The following PALLD variants were observed in gnomAD, a reference collection of about 807,000 sequenced individuals.
The protein encoded by PALLD is palladin, cytoskeletal associated protein.
Under a neutral mutation model 123.5 loss-of-function variants are expected in PALLD, and 61 were observed. That is an observed-to-expected ratio of 0.49 (90% CI 0.40 to 0.61). The LOEUF is 0.61. PALLD is among the 20% of genes least tolerant of loss of function. PALLD has a pLI of 0.00. For missense variants in PALLD, 1,273 were observed against 1,377.0 expected (o/e 0.92, Z 1.20); for synonymous variants, 465 against 496.4 (o/e 0.94, Z 0.84).
At chr4:168,855,095 T>TTTC (rs1418763619) in intron 10 of PALLD, among the ~76,000 whole-genome samples, 1 of 145,458 alleles carries the variant, frequency 6.9e-6, no homozygotes, top group Admixed American at 6.8e-5. Flanking sequence ...TGTTCTTTTT[T>TTTC]TTTTTTTTTT....
At chr4:168,916,354 G>A (rs1760084599) in intron 17 of PALLD, among the ~76,000 whole-genome samples, 1 of 152,104 alleles carries the variant, frequency 6.6e-6, no homozygotes, top group African/African-American at 2.4e-5. Flanking sequence ...GAAGCTATGT[G>A]AGCTATGATC....
At chr4:168,571,935 A>C (rs1231149099) in intron 2 of PALLD, among the ~76,000 whole-genome samples, 1 of 152,102 alleles carries the variant, frequency 6.6e-6, no homozygotes, top group Non-Finnish European at 1.5e-5. Context: ...AGCATTTTTT[A>C]TCAGTGCCAG....
At chr4:168,743,219 A>G (rs936202257) in intron 10 of PALLD, among the ~76,000 whole-genome samples, 2 of 152,248 alleles carry the variant, frequency 1.3e-5, no homozygotes, top group South Asian at 4.2e-4. Context: ...TACACTCAAT[A>G]AATATTTCTT....
chr4:168,733,446 T>G (rs1323398251), intron 10 of PALLD, among the ~76,000 whole-genome samples: 1 of 152,244 alleles, frequency 6.6e-6, no homozygotes, highest in Non-Finnish European at 1.5e-5. Flanking sequence ...TAATCCCATT[T>G]TTTAAAAGTG....
intron 10 of PALLD, among the ~76,000 whole-genome samples, chr4:168,838,247 T>C (rs925517000): frequency 2.6e-5 from 4 of 152,112 alleles, no homozygotes; most frequent in African/African-American, 7.2e-5. Context: ...TGGAGGGATG[T>C]CCTAGAGCGG....
chr4:168,666,206 C>T (rs1020629965), intron 2 of PALLD, among the ~76,000 whole-genome samples: 1 of 152,138 alleles, frequency 6.6e-6, no homozygotes, highest in African/African-American at 2.4e-5. Flanking sequence ...GTACATCTAA[C>T]CAAAAGAAAC....
In PALLD at chr4:168,705,036, T is replaced by C. The variant is rs77717292; in HGVS notation, c.1502-3992T>C. On this transcript the variant is annotated intron_variant, in intron 8 of 21. Coordinates refer to ENST00000505667, the MANE Select transcript of PALLD (RefSeq NM_001166108.2). Reference sequence around the variant, plus strand: ...TATTATATTTCCTACTTACATCTTATATTTCAAAAAATTTTTGCCAAAGAA... The same window carrying C: ...TATTATATTTCCTACTTACATCTTACATTTCAAAAAATTTTTGCCAAAGAA... Among the ~76,000 whole-genome samples, 31 of 151,242 alleles carry C rather than the reference T, an allele frequency of 2.0e-4. 1 individual carries two copies. In the East Asian group the frequency reaches 6.0e-3, roughly 29 times the overall value.
At chr4:168,700,831 C>A (rs1296608809) in intron 8 of PALLD, 1 of 151,980 alleles carries the variant, frequency 6.6e-6, no homozygotes, top group South Asian at 2.1e-4. Flanking sequence ...CCACTTCACT[C>A]CAGCCTGGGC....
Position 168,656,249 on chromosome 4 carries a change from C to A in PALLD, c.909-11941C>A, listed in dbSNP as rs546401748. On this transcript the variant is annotated intron_variant, in intron 2 of 21. Coordinates refer to ENST00000505667, the MANE Select transcript of PALLD (RefSeq NM_001166108.2). ...TAATCCATTCTCCACCCCCCCACCC[C>A]CCACCCCCAACGCTTTGGAGCCTTG... Among the ~76,000 whole-genome samples the A allele has an allele frequency of 4.0e-4, 45 of 111,456 alleles. No individual in the cohort carries two copies. The Middle Eastern group carries it at 0.026, about 65-fold the overall frequency. 73.1% of individuals were successfully genotyped at this position (111,456 alleles called of 152,430 possible). A position where few individuals can be genotyped will look rare whatever the true frequency, so the allele number is the denominator to read the frequency against.
At chr4:168,600,072 T>C (rs533500513) in intron 2 of PALLD, among the ~76,000 whole-genome samples, 2,796 of 129,248 alleles carry the variant, frequency 0.022, 39 homozygotes, top group Non-Finnish European at 0.035. Context: ...TACATGTGTA[T>C]ACACACACAT....
chr4:168,893,804 G>A (rs765729911), intron 11 of PALLD, among the ~76,000 whole-genome samples: 8 of 152,182 alleles, frequency 5.3e-5, no homozygotes, highest in South Asian at 2.1e-4. Flanking sequence ...CAATTCCAAA[G>A]TGCTAGCTGC....
At chr4:168,786,257 G>A (rs1581463401) in intron 10 of PALLD, among the ~76,000 whole-genome samples, 1 of 152,140 alleles carries the variant, frequency 6.6e-6, no homozygotes, top group East Asian at 1.9e-4. Flanking sequence ...GAACCCGGGA[G>A]GTAGAAGTTG....
intron 10 of PALLD, among the ~76,000 whole-genome samples, chr4:168,746,503 C>T (rs956668377): frequency 4.0e-5 from 6 of 150,298 alleles, no homozygotes; most frequent in Admixed American, 2.0e-4. Flanking sequence ...AAAGGACTGT[C>T]GTATTCATCC....
intron 10 of PALLD, among the ~76,000 whole-genome samples, chr4:168,781,631 G>A (rs1735938736): frequency 6.6e-6 from 1 of 152,196 alleles, no homozygotes; most frequent in Non-Finnish European, 1.5e-5. Flanking sequence ...AGACCACAGT[G>A]ATGCAGGCGC....
chr4:168,587,801 C>CA, intron 2 of PALLD, among the ~76,000 whole-genome samples: 1 of 152,140 alleles, frequency 6.6e-6, no homozygotes, highest in East Asian at 1.9e-4. Flanking sequence ...CCCCAATAGC[C>CA]AAAAAACTGA....
intron 2 of PALLD, among the ~76,000 whole-genome samples, chr4:168,644,153 A>G (rs1025839595): frequency 1.4e-5 from 2 of 147,744 alleles, no homozygotes; most frequent in Non-Finnish European, 3.0e-5. Context: ...CAGTGGTGCA[A>G]TCTTGGCTCT....
intron 2 of PALLD, among the ~76,000 whole-genome samples, chr4:168,594,689 T>C (rs551232861): frequency 6.6e-6 from 1 of 152,290 alleles, no homozygotes; most frequent in Admixed American, 6.5e-5. Context: ...AGATATTATA[T>C]ACAGATGGTG....
chr4:168,805,612 T>C (rs1419992933), intron 10 of PALLD, among the ~76,000 whole-genome samples: 1 of 152,092 alleles, frequency 6.6e-6, no homozygotes, highest in Non-Finnish European at 1.5e-5. Context: ...TGGAATGCCC[T>C]TTCTCCCACC....
At chr4:168,590,830 G>A (rs1456324335) in intron 2 of PALLD, among the ~76,000 whole-genome samples, 1 of 143,568 alleles carries the variant, frequency 7.0e-6, no homozygotes, top group African/African-American at 2.6e-5. Flanking sequence ...GTGAAGAAGA[G>A]TATGCCGTCT....
Sources: allele counts gnomAD v4.1 joint callset (sites outside exome capture counted in the v4.1 genomes callset), GRCh38; gene constraint gnomAD v4.1.1; transcripts MANE v1.5; gene names NCBI Gene and HGNC (gene_info 2026-07-23, HGNC 2026-07-21).